FAT2: variants seen among roughly 807,000 people sequenced by gnomAD.
FAT2 encodes the protein protocadherin Fat 2.
Under a neutral mutation model 295.3 loss-of-function variants are expected in FAT2, and 150 were observed. The observed-to-expected ratio is 0.51, with a 90% confidence interval of 0.44 to 0.58. The LOEUF is 0.58. Ranked by LOEUF, FAT2 falls within the 20% of genes least tolerant of loss-of-function variation. FAT2 has a pLI of 0.00. For missense variants in FAT2, 4,868 were observed against 5,442.7 expected (o/e 0.89, Z 3.32); for synonymous variants, 2,026 against 2,150.3 (o/e 0.94, Z 1.60).
intron 1 of FAT2, among the ~76,000 whole-genome samples, chr5:151,580,536 C>T (rs369875997): frequency 2.6e-5 from 4 of 152,152 alleles, no homozygotes; most frequent in African/African-American, 9.7e-5. Flanking sequence ...TGTACATGTG[C>T]GGACTCTCAT....
At chr5:151,579,660 A>G (rs1302078171) in intron 1 of FAT2, among the ~76,000 whole-genome samples, 2 of 152,314 alleles carry the variant, frequency 1.3e-5, no homozygotes, top group Admixed American at 1.3e-4. Flanking sequence ...CTATGCATAC[A>G]TTATCAATAC....
rs1312849532 is a variant in FAT2, at chr5:151,548,700, C to T, written c.4789+595G>A. On this transcript the variant is annotated intron_variant, in intron 9 of 23. Transcript: ENST00000261800. Reference sequence around the variant, plus strand: ...TTCACCATGTTGGCTAGGCGGGTCTCGAACTCCCAACCTCAGGTGATCCGC... The same window carrying T: ...TTCACCATGTTGGCTAGGCGGGTCTTGAACTCCCAACCTCAGGTGATCCGC... Among the ~76,000 whole-genome samples, 5 of 152,222 alleles carry T rather than the reference C, an allele frequency of 3.3e-5. No homozygotes were observed. In the East Asian group the frequency reaches 9.6e-4, roughly 29 times the overall value.
rs1430436507 is a variant in FAT2 at position 151,566,801 on chromosome 5, T to C, written c.2131A>G (p.Thr711Ala). The change falls in exon 2 of 24, where the codon ACC becomes GCC. Residue 711 changes from threonine (T) to alanine (A), a missense_variant. This residue lies in a region of FAT2 where 3,297 missense variants were observed against 3,669.4 expected (regional missense o/e 0.90). Transcript: ENST00000261800. The part of the protein sequence containing the change: ...SLSTYQINHY[T>A]PQFEDHFPQS... ...GGGAAGTGGTCCTCAAACTGTGGGGTGTAATGATTAATCTGATATGTGCTT... is the reference window on the plus strand; with the variant it reads ...GGGAAGTGGTCCTCAAACTGTGGGGCGTAATGATTAATCTGATATGTGCTT... 1 of 1,613,958 alleles carries C rather than the reference T, an allele frequency of 6.2e-7. No individual in the cohort carries two copies. The highest frequency in any genetic ancestry group is 1.7e-5 in the Admixed American group (1 of 59,988).
intron 3 of FAT2, among the ~76,000 whole-genome samples, chr5:151,556,820 G>A (rs368978712): frequency 2.6e-5 from 4 of 152,058 alleles, no homozygotes; most frequent in Non-Finnish European, 4.4e-5. Flanking sequence ...CTGTAGGTTC[G>A]GTGTTTAAAC....
intron 20 of FAT2, among the ~76,000 whole-genome samples, 185 bp downstream of exon 20, chr5:151,517,435 G>A (rs1752984730): frequency 6.6e-6 from 1 of 152,226 alleles, no homozygotes; most frequent in Admixed American, 6.5e-5. Context: ...ATATCTCCAG[G>A]TTGGGTGGCT....
rs762403470 is a variant in FAT2, at chr5:151,505,895, T to C, written c.12720A>G (p.Pro4240=). Residue 4240 remains proline (P), a synonymous_variant, in exon 24 of 24, where the codon CCA becomes CCG. Coordinates refer to ENST00000261800, the MANE Select transcript of FAT2 (RefSeq NM_001447.3). The part of the protein sequence containing the change: ...LEMENKRAPL[P]PRYSNQNLED... The stretch of plus-strand genomic sequence containing the variant: ...CCAGGTTCTGGTTGCTGTAACGGGG[T>C]GGGAGAGGTGCCCGCTTGTTTTCCA... 1 of 1,597,788 alleles carries C rather than the reference T, an allele frequency of 6.3e-7. No homozygotes were observed. Among genetic ancestry groups the C allele is most frequent in the Admixed American group, 1.8e-5 (1 of 55,034 alleles).
chr5:151,546,572 C>T (rs1039165994), intron 9 of FAT2, among the ~76,000 whole-genome samples: 8 of 152,174 alleles, frequency 5.3e-5, no homozygotes, highest in Non-Finnish European at 1.2e-4. Flanking sequence ...TGGGACACAA[C>T]TTAAGCTACA....
rs2127631359 is a variant in FAT2, at chr5:151,554,597, T to A, written c.3710A>T (p.Asp1237Val). The change falls in exon 5 of 24, where the codon GAC (aspartate) becomes GTC (valine). Residue 1237 changes from aspartate to valine, a missense_variant. This residue lies in a region of FAT2 where 3,297 missense variants were observed against 3,669.4 expected (regional missense o/e 0.90). Coordinates refer to ENST00000261800, the MANE Select transcript of FAT2 (RefSeq NM_001447.3). ...CTTGTGGGAGAATATAGGTGGATTG[T>A]CATTGACGTCCAAGATGCCTACCAC... Reference protein sequence around the residue: ...RVVVGILDVNDNPPIFSHKLF... With the variant: ...RVVVGILDVNVNPPIFSHKLF... 1 of 1,614,138 alleles carries A rather than the reference T, an allele frequency of 6.2e-7. No individual in the cohort carries two copies. The highest frequency in any genetic ancestry group is 8.5e-7 in the Non-Finnish European group (1 of 1,180,006).
intron 1 of FAT2, among the ~76,000 whole-genome samples, chr5:151,584,873 C>T (rs927509402): frequency 6.6e-6 from 1 of 152,110 alleles, no homozygotes; most frequent in African/African-American, 2.4e-5. Context: ...CACCTTGAGC[C>T]CCCTTGGAGC....
In FAT2 at chr5:151,568,693, T is replaced by C. The variant is rs767339469; in HGVS notation, c.239A>G (p.Asn80Ser). ...RYRIISGDVA[N>S]VFKTEEYVVG... is the part of the protein sequence containing the mutation. ...CACATACTCCTCAGTTTTAAATACA[T>C]TGGCCACATCCCCAGAGATGATCCG... The change falls in exon 2 of 24, where the codon AAT (asparagine) becomes AGT (serine). Residue 80 changes from asparagine (N) to serine (S), a missense_variant. Physicochemically the swap from Asn to Ser is conservative, Grantham distance 46. Transcript: ENST00000261800. 1.9e-6 allele frequency: 3 copies of C among 1,614,188 alleles called. No homozygotes were observed. The highest frequency in any genetic ancestry group is 2.5e-6 in the Non-Finnish European group (3 of 1,180,026).
rs200594323 is a variant in FAT2 at position 151,544,452 on chromosome 5, T to C, written c.6675A>G (p.Leu2225=). ...CATAGTCCAAAGGCCCTGTTACTGT[T>C]AGGACACCAGTCTTGAAGTCAGTGG... ...LFTTDFKTGV[L]TVTGPLDYES... The change falls in exon 10 of 24, where the codon CTA becomes CTG. Residue 2225 remains leucine, a synonymous_variant. Coordinates refer to ENST00000261800, the MANE Select transcript of FAT2 (RefSeq NM_001447.3). The C allele has an allele frequency of 4.2e-5, 67 of 1,614,156 alleles. No individual in the cohort carries two copies. The East Asian group carries it at 7.4e-4, about 18-fold the overall frequency.
intron 1 of FAT2, among the ~76,000 whole-genome samples, chr5:151,576,333 T>C (rs1425925221): frequency 6.6e-6 from 1 of 152,200 alleles, no homozygotes; most frequent in Non-Finnish European, 1.5e-5. Flanking sequence ...TGGGATATAT[T>C]ATCTGGAACA....
At position 151,528,198 on chromosome 5, in the gene FAT2, G is replaced by A. The variant is rs1754222671; in HGVS notation, c.10027-65C>T. ...ATCTTGACCCCTGGGAGTACAGGGG[G>A]AAACAGATATGTCCCTGCCCCAGTG... On this transcript the variant is annotated intron_variant, in intron 15 of 23. Transcript: ENST00000261800. 2.5e-6 allele frequency: 4 copies of A among 1,579,772 alleles called. No homozygotes were observed. In the South Asian group the frequency reaches 3.4e-5, roughly 14 times the overall value.
chr5:151,583,997 CAA>C lies in FAT2; in HGVS notation c.-21+7166_-21+7167del, dbSNP rs35453556. Among the ~76,000 whole-genome samples, 435 of 45,966 alleles carry C rather than the reference CAA, an allele frequency of 9.5e-3. 2 individuals carry two copies. Among genetic ancestry groups the C allele is most frequent in the African/African-American group, 0.03 (306 of 10,110 alleles). 30.2% of individuals were successfully genotyped at this position (45,966 alleles called of 152,430 possible). The stretch of plus-strand genomic sequence containing the variant: ...TGGGTGACGGAGTGAGGCTCTGTCT[CAA>C]AAAAAAAAAAAAAAAAAAAAAAAAG... On this transcript the variant is annotated intron_variant, in intron 1 of 23. Transcript: ENST00000261800.
Position 151,565,357 on chromosome 5 carries a change from C to T in FAT2, c.3259+316G>A, listed in dbSNP as rs530383042. Reference sequence around the variant, plus strand: ...ACCAAATTGTTAATAAAGATTATATCTGGGGTGATGGAACATGGGGGAGCA... The same window carrying T: ...ACCAAATTGTTAATAAAGATTATATTTGGGGTGATGGAACATGGGGGAGCA... On this transcript the variant is annotated intron_variant, in intron 2 of 23. Transcript: ENST00000261800. Among the ~76,000 whole-genome samples the T allele has an allele frequency of 9.2e-5, 14 of 151,920 alleles. No individual in the cohort carries two copies. In the East Asian group the frequency reaches 2.7e-3, roughly 29 times the overall value.
Position 151,566,446 on chromosome 5 carries a change from A to G in FAT2, c.2486T>C (p.Ile829Thr). 5.0e-6 allele frequency: 8 copies of G among 1,613,208 alleles called. No homozygotes were observed. Among genetic ancestry groups the G allele is most frequent in the Non-Finnish European group, 6.8e-6 (8 of 1,179,610 alleles). The change falls in exon 2 of 24, where the codon ATC (isoleucine) becomes ACC (threonine). Residue 829 changes from isoleucine to threonine, a missense_variant. Physicochemically the swap from Ile to Thr is moderately conservative, Grantham distance 89 (BLOSUM62 -1). This residue lies in a region of FAT2 where 3,297 missense variants were observed against 3,669.4 expected (regional missense o/e 0.90). Coordinates refer to ENST00000261800, the MANE Select transcript of FAT2 (RefSeq NM_001447.3). ...RFPPGGYQLT[I>T]SEDTEVGTTI... ...GGTTCCAACTTCTGTGTCCTCCGAG[A>G]TGGTTAACTGGTACCCACCGGGAGG... is the stretch of plus-strand genomic sequence containing the variant.
intron 9 of FAT2, among the ~76,000 whole-genome samples, chr5:151,547,257 T>C (rs893933594): frequency 1.3e-5 from 2 of 152,218 alleles, no homozygotes; most frequent in Non-Finnish European, 2.9e-5. Context: ...TGAGCTATCC[T>C]CTTTCTTTGG....
chr5:151,529,859 G>A (rs1754403480), intron 14 of FAT2, among the ~76,000 whole-genome samples: 1 of 152,130 alleles, frequency 6.6e-6, no homozygotes, highest in African/African-American at 2.4e-5. Context: ...CAAATTGTTA[G>A]GGCATAGGTT....
rs1253054474 is a variant in FAT2, at chr5:151,553,231, C to A, written c.4102G>T (p.Val1368Leu). The A allele has an allele frequency of 6.2e-7, 1 of 1,614,256 alleles. No homozygotes were observed. Among genetic ancestry groups the A allele is most frequent in the Admixed American group, 1.7e-5 (1 of 60,030 alleles). ...VMETDPVNHM[V>L]GVISVEGRPG... ...CTGCCCTCTACGCTGATGACCCCCA[C>A]CATGTGGTTCACAGGGTCCGTCTCC... The change falls in exon 6 of 24, where the codon GTG (valine) becomes TTG (leucine). Residue 1368 changes from valine to leucine, a missense_variant. Physicochemically the swap from Val to Leu is conservative, Grantham distance 32. Around this residue, in one of 5 missense-constraint regions of FAT2, gnomAD observed 3,297 missense variants for 3,669.4 expected, o/e 0.90. Transcript: ENST00000261800.
Sources: allele counts gnomAD v4.1 joint callset (sites outside exome capture counted in the v4.1 genomes callset), GRCh38; gene constraint gnomAD v4.1.1; regional missense constraint gnomAD v4.1.1; transcripts MANE v1.5; gene names NCBI Gene and HGNC (gene_info 2026-07-23, HGNC 2026-07-21).